The following GSG1L variants were observed in gnomAD, a reference collection of about 807,000 sequenced individuals.
The protein encoded by GSG1L is germ cell-specific gene 1-like protein.
In GSG1L, 24 loss-of-function variants were observed where a neutral mutation model predicts 42.1. The ratio of observed to expected loss-of-function variants is 0.57; its 90% confidence interval spans 0.41 to 0.80. The LOEUF (loss-of-function observed/expected upper bound fraction) is 0.80, where lower values mean the gene tolerates loss of function less well. Among genes scored for constraint, GSG1L ranks in the 30% least tolerant of loss-of-function variants. The probability of loss-of-function intolerance (pLI) is 0.00; values close to 1 mark genes in which losing one functional copy is unlikely to be tolerated. For synonymous variants in GSG1L, 215 were observed against 203.5 expected (o/e 1.06, Z -0.48); for missense variants, 445 against 472.2 (o/e 0.94, Z 0.53).
At chr16:27,938,489 GA>G (rs2084746375) in intron 2 of GSG1L, among the ~76,000 whole-genome samples, 2 of 152,018 alleles carry the variant, frequency 1.3e-5, no homozygotes, top group African/African-American at 4.8e-5. Context: ...AATGTCCCTG[GA>G]AACACTGGCT....
chr16:28,007,863 C>G (rs1396455220), intron 1 of GSG1L, among the ~76,000 whole-genome samples: 1 of 151,972 alleles, frequency 6.6e-6, no homozygotes, highest in African/African-American at 2.4e-5. Flanking sequence ...ATCTGAGGAC[C>G]CTGGTGTATG....
chr16:27,979,836 G>T (rs2085305933), intron 1 of GSG1L, among the ~76,000 whole-genome samples: 1 of 149,668 alleles, frequency 6.7e-6, no homozygotes, highest in Admixed American at 6.7e-5. Context: ...GAGAGAGAGA[G>T]AGAGAAAGGA....
chr16:27,888,401 C>T (rs78607645), intron 2 of GSG1L, among the ~76,000 whole-genome samples: 5,589 of 122,546 alleles, frequency 0.046, 653 homozygotes, highest in African/African-American at 0.12. Context: ...TTCTTTTCTC[C>T]TTCTTTCTTT....
chr16:27,980,248 G>A (rs1047765934), intron 1 of GSG1L, among the ~76,000 whole-genome samples: 2 of 152,154 alleles, frequency 1.3e-5, no homozygotes, highest in African/African-American at 4.8e-5. Context: ...TGGCAGCAGA[G>A]ATGTGGGCAA....
At chr16:27,916,953 A>C (rs1479240232) in intron 2 of GSG1L, among the ~76,000 whole-genome samples, 1 of 152,146 alleles carries the variant, frequency 6.6e-6, no homozygotes, top group Admixed American at 6.5e-5. Flanking sequence ...TGAGGAGGTG[A>C]CATTTGAGCT....
chr16:27,917,716 T>C (rs1862451178), intron 2 of GSG1L, among the ~76,000 whole-genome samples: 1 of 152,180 alleles, frequency 6.6e-6, no homozygotes, highest in Non-Finnish European at 1.5e-5. Context: ...GAATCTAAAA[T>C]TTATATCAGA....
intron 3 of GSG1L, among the ~76,000 whole-genome samples, chr16:27,871,585 GC>G (rs2083821154): frequency 6.6e-6 from 1 of 152,164 alleles, no homozygotes. Flanking sequence ...GCTACAGTGA[GC>G]CCCCTGATTG....
intron 1 of GSG1L, among the ~76,000 whole-genome samples, chr16:27,994,861 T>G (rs188323465): frequency 6.6e-6 from 1 of 152,152 alleles, no homozygotes; most frequent in African/African-American, 2.4e-5. Context: ...CCATTCACAT[T>G]GTGGTTTACA....
chr16:27,973,162 G>T (rs2085211903), intron 1 of GSG1L, among the ~76,000 whole-genome samples: 2 of 152,062 alleles, frequency 1.3e-5, no homozygotes. Flanking sequence ...AAAAGTAAGT[G>T]CTTAGGGCCA....
chr16:28,019,140 T>A (rs935420422), intron 1 of GSG1L, among the ~76,000 whole-genome samples: 1 of 152,126 alleles, frequency 6.6e-6, no homozygotes, highest in Non-Finnish European at 1.5e-5. Flanking sequence ...CTGGGCTGCA[T>A]TCCCAGGAAG....
intron 5 of GSG1L, among the ~76,000 whole-genome samples, chr16:27,827,594 T>C (rs1403753158): frequency 6.6e-6 from 1 of 152,070 alleles, no homozygotes; most frequent in Non-Finnish European, 1.5e-5. Context: ...GCAGAAACAA[T>C]GAACTCATCC....
intron 2 of GSG1L, among the ~76,000 whole-genome samples, chr16:27,891,762 C>T (rs1049628232): frequency 6.6e-6 from 1 of 151,966 alleles, no homozygotes; most frequent in African/African-American, 2.4e-5. Flanking sequence ...CGTGAGCCAC[C>T]GTGACTGGCC....
At chr16:27,947,499 G>A (rs535059319) in intron 2 of GSG1L, among the ~76,000 whole-genome samples, 1 of 141,942 alleles carries the variant, frequency 7.0e-6, no homozygotes, top group African/African-American at 2.6e-5. Flanking sequence ...GAAAGAAAGA[G>A]AAAGAAAGAA....
chr16:27,961,621 C>T (rs953189443), intron 2 of GSG1L, among the ~76,000 whole-genome samples: 5 of 152,204 alleles, frequency 3.3e-5, no homozygotes, highest in Admixed American at 2.0e-4. Context: ...GTGCTTGGCA[C>T]TGTATCCGGC....
intron 1 of GSG1L, among the ~76,000 whole-genome samples, chr16:27,975,570 G>A (rs187819465): frequency 9.8e-5 from 15 of 152,286 alleles, no homozygotes; most frequent in Middle Eastern, 3.4e-3. Flanking sequence ...ATCTATTTAC[G>A]TGTAGTCCTG....
intron 2 of GSG1L, among the ~76,000 whole-genome samples, chr16:27,932,194 A>C (rs1239999998): frequency 6.6e-6 from 1 of 152,320 alleles, no homozygotes; most frequent in East Asian, 1.9e-4. Context: ...CTGGGATTAC[A>C]GGCATGCACC....
chr16:27,874,124 C>T (rs1324184283), intron 3 of GSG1L, among the ~76,000 whole-genome samples: 1 of 152,104 alleles, frequency 6.6e-6, no homozygotes, highest in Non-Finnish European at 1.5e-5. Context: ...TAGCCCTTGT[C>T]CCTGTTTCAG....
intron 2 of GSG1L, among the ~76,000 whole-genome samples, chr16:27,931,976 A>C (rs1045700390): frequency 6.6e-6 from 1 of 152,214 alleles, no homozygotes; most frequent in South Asian, 2.1e-4. Context: ...TTCAGCAGAC[A>C]TTCACAGCCG....
At position 27,884,416 on chromosome 16, in the gene GSG1L, G is replaced by C; in HGVS notation, c.550+70C>G. The C allele has an allele frequency of 6.9e-7, 1 of 1,456,230 alleles. No individual in the cohort carries two copies. The highest frequency in any genetic ancestry group is 9.3e-7 in the Non-Finnish European group (1 of 1,074,416). The allele number at this position is 1,456,230 out of a possible 1,614,324, so 90.2% of individuals were successfully genotyped here. A position where few individuals can be genotyped will look rare whatever the true frequency, so the allele number is the denominator to read the frequency against. ...CAATGCCTCCCGGTTGGTACAACCA[G>C]GGCTTACTCCAAGGGCAGCACCCTT... On this transcript the variant is annotated intron_variant, in intron 3 of 6. Transcript: ENST00000447459. The surrounding 1 kb of genome is among the most constrained non-coding windows in gnomAD (Gnocchi z 4.4).
Sources: allele counts gnomAD v4.1 joint callset (sites outside exome capture counted in the v4.1 genomes callset), GRCh38; gene constraint gnomAD v4.1.1; non-coding constraint Gnocchi (gnomAD v3.1); transcripts MANE v1.5; gene names NCBI Gene and HGNC (gene_info 2026-07-23, HGNC 2026-07-21).